C4orf50: variants seen among roughly 807,000 people sequenced by gnomAD.
The protein encoded by C4orf50 is uncharacterized protein C4orf50.
In C4orf50, 80 loss-of-function variants were observed where a neutral mutation model predicts 77.2. The ratio of observed to expected loss-of-function variants is 1.04; its 90% confidence interval spans 0.87 to 1.25. C4orf50 has a LOEUF of 1.25. Among genes scored for constraint, C4orf50 ranks in the 50% most tolerant of loss-of-function variants. The pLI is 0.00. For synonymous variants in C4orf50, 532 were observed against 465.3 expected (o/e 1.14, Z -1.84); for missense variants, 1,257 against 1,152.9 (o/e 1.09, Z -1.31).
chr4:5,918,803 G>A (rs189055145), intron 7 of C4orf50, among the ~76,000 whole-genome samples: 1 of 152,340 alleles, frequency 6.6e-6, no homozygotes, highest in Non-Finnish European at 1.5e-5. Flanking sequence ...TTCTCAGCCT[G>A]GAGGCATGCC....
At chr4:6,013,646 T>C (rs917261629) in intron 23 of C4orf50, among the ~76,000 whole-genome samples, 3 of 152,076 alleles carry the variant, frequency 2.0e-5, no homozygotes, top group Admixed American at 6.5e-5. Context: ...CAATCACAAG[T>C]GTCCTTGAGA....
At position 5,992,576 on chromosome 4, in the gene C4orf50, A is replaced by G. The variant is rs889943215; in HGVS notation, c.1221+227T>C. Among the ~76,000 whole-genome samples, 2 of 152,090 alleles carry G rather than the reference A, an allele frequency of 1.3e-5. No individual in the cohort carries two copies. Among genetic ancestry groups the G allele is most frequent in the Non-Finnish European group, 2.9e-5 (2 of 67,982 alleles). The stretch of plus-strand genomic sequence containing the variant: ...GATGAAGCCTGTTCCGTGGAAGCCC[A>G]GGCCTGGCACCCAGTTAACCCCCTT... On this transcript the variant is annotated intron_variant, in intron 27 of 33. Transcript: ENST00000531445. The surrounding 1 kb of genome is among the most constrained non-coding windows in gnomAD (Gnocchi z 5.0).
At chr4:5,935,931 T>C (rs1717993741) in intron 7 of C4orf50, among the ~76,000 whole-genome samples, 1 of 151,854 alleles carries the variant, frequency 6.6e-6, no homozygotes, top group East Asian at 1.9e-4. Context: ...AACTATTGAA[T>C]AGAGACCATA....
intron 7 of C4orf50, among the ~76,000 whole-genome samples, chr4:5,925,216 G>GA (rs975779168): frequency 4.7e-4 from 72 of 152,122 alleles, no homozygotes; most frequent in Non-Finnish European, 6.9e-4. Flanking sequence ...TGGGCAGAGG[G>GA]AAGGGATATG....
At chr4:5,920,745 G>A (rs1244176015) in intron 7 of C4orf50, among the ~76,000 whole-genome samples, 1 of 152,138 alleles carries the variant, frequency 6.6e-6, no homozygotes, top group East Asian at 1.9e-4. Flanking sequence ...CAAAGTGCTG[G>A]GATTACAGGC....
chr4:5,928,379 T>TACACACACACACACACACATACAC, intron 7 of C4orf50, among the ~76,000 whole-genome samples: 1 of 95,962 alleles, frequency 1.0e-5, no homozygotes, highest in South Asian at 4.7e-4. Context: ...CACACACACA[T>TACACACACACACACACACATACAC]ACACACACAC....
chr4:5,955,351 G>C (rs1718909828), downstream of C4orf50, among the ~76,000 whole-genome samples: 1 of 152,138 alleles, frequency 6.6e-6, no homozygotes, highest in Admixed American at 6.5e-5. The surrounding 1 kb of genome is among the most constrained non-coding windows in gnomAD (Gnocchi z 5.1). Flanking sequence ...CCAGGCGGGG[G>C]TGTGTGCTTG....
At chr4:5,948,515 G>A (rs1469401080) in intron 7 of C4orf50, among the ~76,000 whole-genome samples, 1 of 152,138 alleles carries the variant, frequency 6.6e-6, no homozygotes, top group Admixed American at 6.5e-5. Flanking sequence ...AAATACAAAA[G>A]GCCGGATGTG....
intron 7 of C4orf50, among the ~76,000 whole-genome samples, chr4:5,934,606 A>G (rs1292891962): frequency 6.6e-6 from 1 of 151,980 alleles, no homozygotes; most frequent in Non-Finnish European, 1.5e-5. Context: ...CTCAGCTCCA[A>G]ACCACCTGCC....
intron 7 of C4orf50, among the ~76,000 whole-genome samples, chr4:5,926,036 C>T (rs1717497988): frequency 6.6e-6 from 1 of 152,214 alleles, no homozygotes; most frequent in South Asian, 2.1e-4. Flanking sequence ...CGCACAGATC[C>T]ATGCGGACGA....
rs1356523680 is a variant in C4orf50 at position 5,975,818 on chromosome 4, A to G, written c.3921+81T>C. 4.5e-6 allele frequency: 5 copies of G among 1,112,428 alleles called. No individual in the cohort carries two copies. In the East Asian group the frequency reaches 1.2e-4, roughly 26 times the overall value. 68.9% of individuals were successfully genotyped at this position (1,112,428 alleles called of 1,614,324 possible). The stretch of plus-strand genomic sequence containing the variant: ...CCAGACTTTTATACAATAGAGGTGG[A>G]TTACATGTCTAACAGGAAAACTACT... On this transcript the variant is annotated intron_variant, in intron 30 of 33. Transcript: ENST00000531445.
chr4:6,006,563 A>G (rs1722260224), intron 25 of C4orf50, among the ~76,000 whole-genome samples: 1 of 152,246 alleles, frequency 6.6e-6, no homozygotes, highest in Non-Finnish European at 1.5e-5. Flanking sequence ...ACCTGCCTTC[A>G]TAAGCATTAC....
Position 5,908,004 on chromosome 4 carries a change from G to C in C4orf50, c.*2475-9816C>G, listed in dbSNP as rs1716631350. ...CATATTTCAGTTGAAGGTAAAGAAG[G>C]ACTTTTTAACAAAAAGAGCTGACCA... On this transcript the variant is annotated intron_variant, in intron 7 of 7. Transcript: ENST00000324058. This position sits in a 1 kb window ranked among gnomAD's most constrained non-coding sequence, Gnocchi z 5.6. 6.6e-6 allele frequency among the ~76,000 whole-genome samples: 1 copy of C among 152,050 alleles called. No individual in the cohort carries two copies. The highest frequency in any genetic ancestry group is 6.5e-5 in the Admixed American group (1 of 15,272).
chr4:5,943,803 G>A (rs2108752341), intron 7 of C4orf50, among the ~76,000 whole-genome samples: 1 of 152,256 alleles, frequency 6.6e-6, no homozygotes, highest in Non-Finnish European at 1.5e-5. Flanking sequence ...CAATTAGCAA[G>A]CACTGCCCTG....
chr4:5,921,228 G>A (rs888970038), intron 7 of C4orf50, among the ~76,000 whole-genome samples: 4 of 152,184 alleles, frequency 2.6e-5, no homozygotes, highest in Non-Finnish European at 5.9e-5. Flanking sequence ...TTGATGATGT[G>A]TCATCCTCCT....
intron 25 of C4orf50, 116 bp from the exon 4 acceptor site, chr4:5,994,592 G>C (rs1372081565): frequency 9.6e-5 from 38 of 397,738 alleles, no homozygotes; most frequent in Non-Finnish European, 1.4e-4. Flanking sequence ...CCACAGGTGA[G>C]GAAACTGAGG....
chr4:5,980,932 G>A (rs1720550503), intron 28 of C4orf50, among the ~76,000 whole-genome samples: 1 of 152,180 alleles, frequency 6.6e-6, no homozygotes, highest in Admixed American at 6.5e-5. Flanking sequence ...GTTTCATTCA[G>A]ATGCCAAAGG....
rs927134956 is a variant in C4orf50, at chr4:5,932,393, C to G, written c.*2474+24508G>C. Among the ~76,000 whole-genome samples the G allele has an allele frequency of 6.6e-6, 1 of 152,128 alleles. No homozygotes were observed. Among genetic ancestry groups the G allele is most frequent in the African/African-American group, 2.4e-5 (1 of 41,432 alleles). On this transcript the variant is annotated intron_variant, in intron 7 of 7. Coordinates refer to the C4orf50 transcript ENST00000324058. The surrounding 1 kb of genome is among the most constrained non-coding windows in gnomAD (Gnocchi z 4.2). The stretch of plus-strand genomic sequence containing the variant: ...CTGTCCTGGTGCCCAAGTCCTGAAC[C>G]TGAGGTGACCAGGTGATCATCTACC...
exon 29 of C4orf50, chr4:5,980,269 C>T: frequency 1.2e-6 from 2 of 1,613,036 alleles, no homozygotes; most frequent in Non-Finnish European, 1.7e-6. Flanking sequence ...AGGGTCAGCA[C>T]CCGGTGATGG....
Sources: gnomAD v4.1 joint callset for allele counts (sites outside exome capture counted in the v4.1 genomes callset) on GRCh38, gnomAD v4.1.1 for gene constraint, Gnocchi (gnomAD v3.1) non-coding constraint, MANE v1.5 for transcripts, NCBI Gene and HGNC (gene_info 2026-07-23, HGNC 2026-07-21) for gene names.